SEMA3A: variants seen among roughly 807,000 people sequenced by gnomAD.
SEMA3A encodes the protein semaphorin 3A.
In SEMA3A, 29 loss-of-function variants were observed where a neutral mutation model predicts 97.9. The observed-to-expected ratio is 0.30, with a 90% CI of 0.22 to 0.40. SEMA3A has a LOEUF of 0.40. Among genes scored for constraint, SEMA3A ranks in the 10% least tolerant of loss-of-function variants. The pLI is 1.00. For missense variants in SEMA3A, 763 were observed against 951.3 expected, an observed-to-expected ratio of 0.80 and a Z score of 2.60; for synonymous variants, 321 against 323.7, an observed-to-expected ratio of 0.99 and a Z score of 0.09.
At chr7:84,124,875 T>C (rs1165430682) in intron 3 of SEMA3A, among the ~76,000 whole-genome samples, 1 of 151,620 alleles carries the variant, frequency 6.6e-6, no homozygotes, top group African/African-American at 2.4e-5. Context: ...TTAAATGAGG[T>C]TAACTGAAAA....
intron 12 of SEMA3A, among the ~76,000 whole-genome samples, chr7:83,989,948 T>A (rs1196930136): frequency 3.3e-5 from 5 of 151,882 alleles, no homozygotes; most frequent in African/African-American, 1.2e-4. Flanking sequence ...TGTAAAAGTA[T>A]TCCTATTTCT....
At chr7:84,007,552 G>C (rs2116402696) in intron 9 of SEMA3A, 55 bp from the exon 10 acceptor site, 2 of 1,274,644 alleles carry the variant, frequency 1.6e-6, no homozygotes, top group Non-Finnish European at 2.1e-6. Flanking sequence ...AATGGTAAGA[G>C]AAATATTGAT....
chr7:84,131,173 G>T (rs2116027839), intron 2 of SEMA3A, among the ~76,000 whole-genome samples: 1 of 152,078 alleles, frequency 6.6e-6, no homozygotes, highest in South Asian at 2.1e-4. Context: ...ATGTAGAAAT[G>T]TTCTTTTGGA....
chr7:83,987,189 A>G (rs1397317047), intron 12 of SEMA3A, among the ~76,000 whole-genome samples: 1 of 151,758 alleles, frequency 6.6e-6, no homozygotes, highest in Non-Finnish European at 1.5e-5. Context: ...ATCCTAAAGC[A>G]GAATCTGAGA....
At chr7:84,095,351 TTATATACATATATATATATA>T (rs1794736655) in intron 4 of SEMA3A, among the ~76,000 whole-genome samples, 1 of 29,624 alleles carries the variant, frequency 3.4e-5, no homozygotes, top group South Asian at 9.0e-4. Flanking sequence ...TTTATATTTT[TTATATACATATATATATATA>T]TATATATATA....
At chr7:84,166,974 T>G (rs1168309885) in intron 1 of SEMA3A, among the ~76,000 whole-genome samples, 1 of 76,370 alleles carries the variant, frequency 1.3e-5, no homozygotes, top group Non-Finnish European at 3.2e-5. Flanking sequence ...TGTGCCTATT[T>G]TGCTAGAAGA....
chr7:84,405,888 C>A lies in SEMA3A; in HGVS notation c.-245-33988G>T, dbSNP rs1308697944. Among the ~76,000 whole-genome samples, 15 of 152,134 alleles carry A rather than the reference C, an allele frequency of 9.9e-5. No homozygotes were observed. The East Asian group carries it at 2.9e-3, about 29-fold the overall frequency. The stretch of plus-strand genomic sequence containing the variant: ...ACAACATACCAGAATCTCTGGGACA[C>A]ATTCAAAGCAGTATGTAGAGGGAAA... On this transcript the variant is annotated intron_variant, in intron 1 of 3. Transcript: ENST00000424555.
intron 1 of SEMA3A, among the ~76,000 whole-genome samples, chr7:84,192,906 G>A (rs1157272713): frequency 6.6e-6 from 1 of 151,892 alleles, no homozygotes; most frequent in African/African-American, 2.4e-5. Context: ...CTTGGATAAA[G>A]TGGACCATCA....
chr7:84,005,643 G>A lies in SEMA3A; in HGVS notation c.1141-85C>T, dbSNP rs532009067. On this transcript the variant is annotated intron_variant, in intron 10 of 16. Transcript: ENST00000265362. ...TATATAATAACACATGGCCTCAATG[G>A]TTCTACTTAAAATAGTAGTGCAGGC... 2.8e-5 allele frequency: 27 copies of A among 959,862 alleles called. 1 individual carries two copies. In the South Asian group the frequency reaches 4.1e-4, roughly 14 times the overall value. 59.5% of individuals were successfully genotyped at this position (959,862 alleles called of 1,614,324 possible).
rs201748268 is a variant in SEMA3A, at chr7:84,136,960, AGAAGGAAGGAAG to A, written c.113-2021_113-2010del. Among the ~76,000 whole-genome samples, 192 of 141,186 alleles carry A rather than the reference AGAAGGAAGGAAG, an allele frequency of 1.4e-3. 2 individuals carry two copies. Among genetic ancestry groups the A allele is most frequent in the Admixed American group, 2.8e-3 (39 of 13,856 alleles). The allele number at this position is 141,186 out of a possible 152,430, so 92.6% of individuals were successfully genotyped here. The stretch of plus-strand genomic sequence containing the variant: ...AGGGAGGGAGGGAAGGAGGGAGGGA[AGAAGGAAGGAAG>A]GAAGGAAGGAAGGAAGGAAGGAAGG... On this transcript the variant is annotated intron_variant, in intron 1 of 16. Coordinates refer to ENST00000265362, the MANE Select transcript of SEMA3A (RefSeq NM_006080.3).
In SEMA3A at chr7:84,194,549, C is replaced by T. The variant is rs1399343685; in HGVS notation, c.38G>A (p.Gly13Glu). 6.2e-7 allele frequency: 1 copy of T among 1,613,202 alleles called. No homozygotes were observed. Among genetic ancestry groups the T allele is most frequent in the Non-Finnish European group, 8.5e-7 (1 of 1,179,254 alleles). ...WLTRIVCLFW[G>E]VLLTARANYQ... is the part of the protein sequence containing the mutation. ...GTTTGCTCTTGCTGTAAGTAATACT[C>T]CCCAGAAAAGACAGACAATCCTAGT... The change falls in exon 1 of 17, where the codon GGA becomes GAA. Residue 13 changes from glycine to glutamate, a missense_variant. Physicochemically the swap from Gly to Glu is moderately conservative, Grantham distance 98. This residue lies in a region of SEMA3A where 85 missense variants were observed against 70.0 expected (regional missense o/e 1.21). Coordinates refer to ENST00000265362, the MANE Select transcript of SEMA3A (RefSeq NM_006080.3).
intron 3 of SEMA3A, among the ~76,000 whole-genome samples, chr7:84,253,291 G>T (rs2115623176): frequency 6.6e-6 from 1 of 152,142 alleles, no homozygotes. Context: ...TACCTTGAAG[G>T]GTTTGGAAAT....
At chr7:84,401,777 C>T (rs1803911148) in intron 1 of SEMA3A, among the ~76,000 whole-genome samples, 1 of 152,028 alleles carries the variant, frequency 6.6e-6, no homozygotes, top group African/African-American at 2.4e-5. Context: ...TGTCTGTAAT[C>T]AATGGTGCTA....
At chr7:83,965,027 T>C (rs1391662117) in intron 15 of SEMA3A, among the ~76,000 whole-genome samples, 1 of 152,150 alleles carries the variant, frequency 6.6e-6, no homozygotes, top group Non-Finnish European at 1.5e-5. Context: ...TAGAATGCAT[T>C]GTCACAGAAG....
At chr7:84,322,027 C>T (rs1000783407) in intron 2 of SEMA3A, among the ~76,000 whole-genome samples, 1 of 151,664 alleles carries the variant, frequency 6.6e-6, no homozygotes, top group Non-Finnish European at 1.5e-5. Flanking sequence ...TGGAAATCAC[C>T]TCATCACAGG....
intron 1 of SEMA3A, among the ~76,000 whole-genome samples, chr7:84,165,647 G>A (rs1334862947): frequency 2.0e-5 from 3 of 152,070 alleles, no homozygotes; most frequent in Admixed American, 2.0e-4. Flanking sequence ...CTGCCTCCTA[G>A]GTACAAGTGA....
In SEMA3A at chr7:84,208,398, G is replaced by A. The variant is rs567458205; in HGVS notation, c.-82-13730C>T. The stretch of plus-strand genomic sequence containing the variant: ...ACCCGGGAGGCGGAGCTTGCAGTGA[G>A]CCGAGATCCTGCCACTGCAGTCCAG... On this transcript the variant is annotated intron_variant, in intron 3 of 3. Coordinates refer to the SEMA3A transcript ENST00000424555. Among the ~76,000 whole-genome samples, 79 of 54,582 alleles carry A rather than the reference G, an allele frequency of 1.4e-3. No homozygotes were observed. In the Middle Eastern group the frequency reaches 0.043, roughly 30 times the overall value. 35.8% of individuals were successfully genotyped at this position (54,582 alleles called of 152,430 possible). A position where few individuals can be genotyped will look rare whatever the true frequency, so the allele number is the denominator to read the frequency against.
At chr7:84,298,941 A>G (rs1276874320) in intron 3 of SEMA3A, among the ~76,000 whole-genome samples, 1 of 152,066 alleles carries the variant, frequency 6.6e-6, no homozygotes, top group Non-Finnish European at 1.5e-5. Context: ...TCCAGCCTTG[A>G]TCTTTCTAAT....
intron 5 of SEMA3A, among the ~76,000 whole-genome samples, chr7:84,051,912 T>C (rs1429730315): frequency 6.7e-6 from 1 of 150,220 alleles, no homozygotes; most frequent in Non-Finnish European, 1.5e-5. Flanking sequence ...TGAGAGTTTT[T>C]AGCATGAAGG....
Sources: gnomAD v4.1 joint callset for allele counts (sites outside exome capture counted in the v4.1 genomes callset) on GRCh38, gnomAD v4.1.1 for gene constraint, gnomAD v4.1.1 regional missense constraint, MANE v1.5 for transcripts, NCBI Gene and HGNC (gene_info 2026-07-23, HGNC 2026-07-21) for gene names.